CNBD1: variants seen among roughly 807,000 people sequenced by gnomAD.
CNBD1 encodes cyclic nucleotide binding domain containing 1.
CNBD1 carries 71 observed loss-of-function variants against 54.4 expected under a neutral mutation model. That is an observed-to-expected ratio of 1.30 (90% CI 1.08 to 1.59). CNBD1 has a LOEUF of 1.59. Ranked by LOEUF, CNBD1 falls within the 40% of genes most tolerant of loss-of-function variation. The probability of loss-of-function intolerance (pLI) is 0.00; values close to 1 mark genes in which losing one functional copy is unlikely to be tolerated. For synonymous variants in CNBD1, 182 were observed against 170.7 expected, an observed-to-expected ratio of 1.07 and a Z score of -0.51; for missense variants, 659 against 518.0, an observed-to-expected ratio of 1.27 and a Z score of -2.64.
At chr8:87,370,720 T>C (rs1335877943) in intron 10 of CNBD1, among the ~76,000 whole-genome samples, 1 of 149,838 alleles carries the variant, frequency 6.7e-6, no homozygotes, top group African/African-American at 2.5e-5. Context: ...GTGCAGAAGC[T>C]CTTTAGTTTA....
intron 4 of CNBD1, among the ~76,000 whole-genome samples, chr8:87,017,743 T>C (rs1355024943): frequency 3.3e-5 from 5 of 152,156 alleles, no homozygotes; most frequent in Admixed American, 3.3e-4. Context: ...TATATGTATA[T>C]ATATTTTCTT....
chr8:87,258,408 ATT>A (rs1212479076), intron 6 of CNBD1, among the ~76,000 whole-genome samples: 3 of 143,712 alleles, frequency 2.1e-5, no homozygotes, highest in Non-Finnish European at 4.5e-5. Context: ...GCAAACAAAA[ATT>A]TTTCTTTTTT....
intron 3 of CNBD1, among the ~76,000 whole-genome samples, chr8:86,924,568 T>A (rs1809327026): frequency 6.6e-6 from 1 of 152,146 alleles, no homozygotes; most frequent in African/African-American, 2.4e-5. Context: ...AATTATTCAT[T>A]CCTGGGAGCT....
chr8:86,912,937 C>T (rs1054557683), intron 3 of CNBD1, among the ~76,000 whole-genome samples: 3 of 151,236 alleles, frequency 2.0e-5, no homozygotes, highest in African/African-American at 4.9e-5. Flanking sequence ...ACAAAAAGAG[C>T]TTAAAAAGTA....
chr8:87,323,880 C>T (rs199924667), intron 8 of CNBD1, among the ~76,000 whole-genome samples: 1 of 135,172 alleles, frequency 7.4e-6, no homozygotes, highest in Admixed American at 7.3e-5. Context: ...TGTCTTGTGC[C>T]AGTTTTCAAA....
chr8:87,427,823 G>A (rs1808075228), intron 2 of CNBD1, among the ~76,000 whole-genome samples: 1 of 151,946 alleles, frequency 6.6e-6, no homozygotes, highest in Non-Finnish European at 1.5e-5. Context: ...GTTTTTTCAT[G>A]CATTCAAGAT....
rs556956756 is a variant in CNBD1 at position 86,958,321 on chromosome 8, G to T, written c.431+18567G>T. Among the ~76,000 whole-genome samples the T allele has an allele frequency of 4.4e-3, 677 of 152,318 alleles. 6 individuals carry two copies. The highest frequency in any genetic ancestry group is 0.016 in the African/African-American group (651 of 41,570). ...GTGTATATTCTGTTGATTTGGCATG[G>T]AGAGTTCTGTAGGTGTCTATTAGGT... On this transcript the variant is annotated intron_variant, in intron 4 of 10. Coordinates refer to ENST00000518476, the MANE Select transcript of CNBD1 (RefSeq NM_173538.3).
chr8:86,951,415 T>A (rs1179141484), intron 4 of CNBD1, among the ~76,000 whole-genome samples: 8 of 150,700 alleles, frequency 5.3e-5, no homozygotes, highest in Non-Finnish European at 1.0e-4. Context: ...GTGGTGAAAC[T>A]CCATCTCTAC....
intron 2 of CNBD1, 33 bp from the exon 3 acceptor site, chr8:86,905,048 C>A: frequency 7.7e-7 from 1 of 1,306,192 alleles, no homozygotes. Flanking sequence ...TATCCTATGA[C>A]ACTTACAATT....
At chr8:87,046,219 T>C (rs1325674731) in intron 4 of CNBD1, among the ~76,000 whole-genome samples, 1 of 152,052 alleles carries the variant, frequency 6.6e-6, no homozygotes, top group African/African-American at 2.4e-5. Flanking sequence ...AATAGAGATA[T>C]TAAGTACTGA....
intron 6 of CNBD1, among the ~76,000 whole-genome samples, chr8:87,255,356 T>C (rs1807990027): frequency 6.6e-6 from 1 of 152,098 alleles, no homozygotes; most frequent in Non-Finnish European, 1.5e-5. Context: ...GTAGTTATAA[T>C]TTATACTTAC....
chr8:87,252,110 C>A (rs1586364891), intron 6 of CNBD1, among the ~76,000 whole-genome samples: 1 of 152,190 alleles, frequency 6.6e-6, no homozygotes, highest in East Asian at 1.9e-4. Flanking sequence ...ACATTCATTT[C>A]TATTTTTCCA....
rs114683320 is a variant in CNBD1, at chr8:87,107,321, C to T, written c.432-98672C>T. On this transcript the variant is annotated intron_variant, in intron 4 of 10. Coordinates refer to ENST00000518476, the MANE Select transcript of CNBD1 (RefSeq NM_173538.3). ...TTTCCTTCCAACTTTCCACTTGCTC[C>T]GTAGGTTCTAGTAACGTTAACCTTT... 2.0e-3 allele frequency among the ~76,000 whole-genome samples: 308 copies of T among 152,258 alleles called. 1 individual carries two copies. The highest frequency in any genetic ancestry group is 6.8e-3 in the African/African-American group (282 of 41,552).
chr8:87,276,736 T>A (rs1161373704), intron 6 of CNBD1, among the ~76,000 whole-genome samples: 1 of 151,872 alleles, frequency 6.6e-6, no homozygotes, highest in Admixed American at 6.6e-5. Flanking sequence ...TGGCTATAAT[T>A]CAAGAAAGAA....
At chr8:87,327,877 T>A (rs954767521) in intron 8 of CNBD1, among the ~76,000 whole-genome samples, 1 of 152,232 alleles carries the variant, frequency 6.6e-6, no homozygotes, top group Non-Finnish European at 1.5e-5. Flanking sequence ...AGTTTTATGT[T>A]ACTATCTTTA....
At chr8:87,055,457 G>A (rs1473559994) in intron 4 of CNBD1, among the ~76,000 whole-genome samples, 4 of 151,358 alleles carry the variant, frequency 2.6e-5, no homozygotes, top group African/African-American at 7.3e-5. Context: ...CCCTGTGCAA[G>A]CTCCCATGAA....
Position 87,023,315 on chromosome 8 carries a change from ATAT to A in CNBD1, c.431+83563_431+83565del, listed in dbSNP as rs566434074. On this transcript the variant is annotated intron_variant, in intron 4 of 10. Transcript: ENST00000518476. ...TTAACAAGTTAAGAATAAACATAGA[ATAT>A]TCCATTAAAATATACCTTTAAATTT... is the stretch of plus-strand genomic sequence containing the variant. Among the ~76,000 whole-genome samples, 75 of 152,328 alleles carry A rather than the reference ATAT, an allele frequency of 4.9e-4. No individual in the cohort carries two copies. In the Middle Eastern group the frequency reaches 0.01, roughly 21 times the overall value.
chr8:87,132,381 A>G (rs1239158892), intron 4 of CNBD1, among the ~76,000 whole-genome samples: 1 of 151,594 alleles, frequency 6.6e-6, no homozygotes, highest in Non-Finnish European at 1.5e-5. Flanking sequence ...TTTGACTTTG[A>G]GTTAATAAAG....
intron 6 of CNBD1, among the ~76,000 whole-genome samples, chr8:87,279,667 T>A (rs186231799): frequency 1.9e-4 from 29 of 151,372 alleles, no homozygotes; most frequent in African/African-American, 5.5e-4. Flanking sequence ...TAAAAATTAT[T>A]ACCTCAAAAT....
Sources: allele counts gnomAD v4.1 joint callset (sites outside exome capture counted in the v4.1 genomes callset), GRCh38; gene constraint gnomAD v4.1.1; transcripts MANE v1.5; gene names NCBI Gene and HGNC (gene_info 2026-07-23, HGNC 2026-07-21).